Variants in ME1 observed in about 807,000 individuals in gnomAD.
The protein encoded by ME1 is NADP-dependent malic enzyme.
ME1 carries 74 observed loss-of-function variants against 66.4 expected under a neutral mutation model. The ratio of observed to expected loss-of-function variants is 1.11; its 90% CI spans 0.92 to 1.35. ME1 has a LOEUF of 1.35. Ranked by LOEUF, ME1 falls within the 40% of genes most tolerant of loss-of-function variation. The pLI is 0.00. For synonymous variants in ME1, 251 were observed against 235.6 expected, an observed-to-expected ratio of 1.07 and a Z score of -0.60; for missense variants, 750 against 694.1, an observed-to-expected ratio of 1.08 and a Z score of -0.90.
intron 1 of ME1, among the ~76,000 whole-genome samples, chr6:83,424,461 C>T (rs1009869608): frequency 6.6e-6 from 1 of 152,122 alleles, no homozygotes; most frequent in Non-Finnish European, 1.5e-5. Flanking sequence ...AATAAGGGAA[C>T]AGACACCTAT....
chr6:83,414,102 C>A (rs1215529360), intron 1 of ME1, among the ~76,000 whole-genome samples: 1 of 140,628 alleles, frequency 7.1e-6, no homozygotes, highest in Non-Finnish European at 1.5e-5. Flanking sequence ...CAGAGCAAGA[C>A]CCCATCTTGA....
At chr6:83,394,567 T>C (rs926886647) in intron 3 of ME1, among the ~76,000 whole-genome samples, 1 of 152,212 alleles carries the variant, frequency 6.6e-6, no homozygotes, top group East Asian at 1.9e-4. Flanking sequence ...CGCAGTATGA[T>C]AAATATTACC....
chr6:83,398,629 A>G, intron 2 of ME1, 113 bp from the exon 3 acceptor site: 1 of 564,288 alleles, frequency 1.8e-6, no homozygotes. Context: ...GTTACATAGA[A>G]AACATCTGAT....
chr6:83,378,588 A>G (rs956958117), intron 3 of ME1, among the ~76,000 whole-genome samples: 3 of 152,182 alleles, frequency 2.0e-5, no homozygotes, highest in Non-Finnish European at 2.9e-5. Context: ...TAAAGTATCA[A>G]ACTAGAAGGT....
intron 3 of ME1, among the ~76,000 whole-genome samples, chr6:83,390,716 T>C (rs1386786286): frequency 6.6e-6 from 1 of 152,086 alleles, no homozygotes; most frequent in East Asian, 1.9e-4. Context: ...CATTCCTTAC[T>C]TAAATTTCAA....
At chr6:83,344,778 G>A (rs1023728331) in intron 5 of ME1, among the ~76,000 whole-genome samples, 1 of 151,858 alleles carries the variant, frequency 6.6e-6, no homozygotes. Context: ...AGCTACTTGG[G>A]AGGCTGAGGC....
At chr6:83,390,321 A>G (rs1323571127) in intron 3 of ME1, among the ~76,000 whole-genome samples, 1 of 152,182 alleles carries the variant, frequency 6.6e-6, no homozygotes, top group Non-Finnish European at 1.5e-5. Flanking sequence ...TATTAATAGA[A>G]TAAGGGGTAT....
At chr6:83,230,040 T>C (rs1790270746) in intron 9 of ME1, among the ~76,000 whole-genome samples, 2 of 152,078 alleles carry the variant, frequency 1.3e-5, no homozygotes, top group Non-Finnish European at 2.9e-5. Flanking sequence ...CCCAGGGTTG[T>C]CTCGAACTTC....
At chr6:83,331,327 C>T (rs562306225) in intron 5 of ME1, among the ~76,000 whole-genome samples, 4 of 152,200 alleles carry the variant, frequency 2.6e-5, no homozygotes, top group South Asian at 2.1e-4. Flanking sequence ...CGGTGGCTCA[C>T]GTCTGTAATC....
intron 3 of ME1, among the ~76,000 whole-genome samples, chr6:83,378,877 G>A (rs1273448088): frequency 2.6e-5 from 4 of 151,940 alleles, no homozygotes; most frequent in Non-Finnish European, 5.9e-5. Flanking sequence ...AACTAAAGAA[G>A]ACTGCCCTCT....
At chr6:83,321,455 C>G (rs985382048) in intron 5 of ME1, among the ~76,000 whole-genome samples, 2 of 152,090 alleles carry the variant, frequency 1.3e-5, no homozygotes, top group African/African-American at 2.4e-5. Context: ...GACACTCGAG[C>G]TTGGTGTGGG....
At chr6:83,421,263 G>C (rs3757010) in intron 1 of ME1, among the ~76,000 whole-genome samples, 1 of 152,130 alleles carries the variant, frequency 6.6e-6, no homozygotes, top group South Asian at 2.1e-4. Flanking sequence ...TAGCAACTAT[G>C]TACCCAGTAA....
In ME1 at chr6:83,216,926, G is replaced by A. The variant is rs532819865; in HGVS notation, c.1450-330C>T. Among the ~76,000 whole-genome samples the A allele has an allele frequency of 1.1e-4, 16 of 152,278 alleles. No individual in the cohort carries two copies. The South Asian group carries it at 3.3e-3, about 32-fold the overall frequency. Reference sequence around the variant, plus strand: ...CAAGGGAAAAGAAAAGAAAGAAAGAGGAAGATGATAGAGTAATGAAAATGG... The same window carrying A: ...CAAGGGAAAAGAAAAGAAAGAAAGAAGAAGATGATAGAGTAATGAAAATGG... On this transcript the variant is annotated intron_variant, in intron 12 of 13. Transcript: ENST00000369705.
At chr6:83,422,632 T>A (rs1770289699) in intron 1 of ME1, among the ~76,000 whole-genome samples, 1 of 152,176 alleles carries the variant, frequency 6.6e-6, no homozygotes, top group African/African-American at 2.4e-5. Context: ...AAGAAAGTAT[T>A]GGACAAGAAA....
chr6:83,261,407 T>C (rs1766885267), intron 6 of ME1, among the ~76,000 whole-genome samples: 1 of 145,528 alleles, frequency 6.9e-6, no homozygotes, highest in Non-Finnish European at 1.5e-5. Flanking sequence ...GTTCTTTGTT[T>C]ACTCTGTTGG....
intron 2 of ME1, among the ~76,000 whole-genome samples, chr6:83,406,560 C>A (rs1215215349): frequency 1.3e-5 from 2 of 152,154 alleles, no homozygotes; most frequent in Admixed American, 6.5e-5. Flanking sequence ...AAAGTCCTCA[C>A]CTCCAAATAA....
intron 6 of ME1, among the ~76,000 whole-genome samples, chr6:83,288,740 T>C (rs1767444136): frequency 6.6e-6 from 1 of 152,174 alleles, no homozygotes; most frequent in Admixed American, 6.5e-5. Context: ...ATAAATTACT[T>C]TGGGCAGTAA....
chr6:83,331,930 A>T (rs1298578677), intron 5 of ME1, among the ~76,000 whole-genome samples: 4 of 152,218 alleles, frequency 2.6e-5, no homozygotes, highest in African/African-American at 9.6e-5. Flanking sequence ...TCAAATAGCA[A>T]GCCTCAATAT....
intron 6 of ME1, among the ~76,000 whole-genome samples, chr6:83,309,256 T>C (rs1767885706): frequency 6.6e-6 from 1 of 151,386 alleles, no homozygotes; most frequent in African/African-American, 2.4e-5. Context: ...TGAAACAGAA[T>C]TTTCAGGCTA....
Sources: gnomAD v4.1 joint callset for allele counts (sites outside exome capture counted in the v4.1 genomes callset) on GRCh38, gnomAD v4.1.1 for gene constraint, MANE v1.5 for transcripts, NCBI Gene and HGNC (gene_info 2026-07-23, HGNC 2026-07-21) for gene names.